Variants in SYDE2 observed in about 807,000 individuals in gnomAD.
SYDE2 encodes the protein rho GTPase-activating protein SYDE2.
Under a neutral mutation model 91.5 loss-of-function variants are expected in SYDE2, and 76 were observed. That is an observed-to-expected ratio of 0.83 (90% CI 0.69 to 1.01). The LOEUF (loss-of-function observed/expected upper bound fraction) is 1.01. SYDE2 is among the 50% of genes least tolerant of loss of function. SYDE2 has a pLI of 0.00. For synonymous variants in SYDE2, 513 were observed against 506.4 expected, an observed-to-expected ratio of 1.01 and a Z score of -0.18; for missense variants, 1,364 against 1,367.7, an observed-to-expected ratio of 1.00 and a Z score of 0.04.
downstream of SYDE2, chr1:85,152,739 T>C (rs1163884801): frequency 3.9e-5 from 6 of 152,202 alleles, no homozygotes; most frequent in Non-Finnish European, 8.8e-5. Flanking sequence ...GGAGTGGACA[T>C]AGACAATAAA....
At chr1:85,162,527 T>C (rs1461012064) in intron 6 of SYDE2, among the ~76,000 whole-genome samples, 1 of 152,092 alleles carries the variant, frequency 6.6e-6, no homozygotes, top group East Asian at 1.9e-4. Flanking sequence ...TAAAGAAAAA[T>C]AACAGGTTAT....
At position 85,158,842 on chromosome 1, in the gene SYDE2, T is replaced by C. The variant is rs1656958213; in HGVS notation, c.3493A>G (p.Asn1165Asp). The C allele has an allele frequency of 1.3e-6, 1 of 776,810 alleles. No homozygotes were observed. Among genetic ancestry groups the C allele is most frequent in the Non-Finnish European group, 2.4e-6 (1 of 416,876 alleles). The allele number at this position is 776,810 out of a possible 1,614,324, so 48.1% of individuals were successfully genotyped here. Residue 1165 changes from asparagine (N) to aspartate (D), a missense_variant, in exon 7 of 7, where the codon AAC (asparagine) becomes GAC (aspartate). By Grantham distance (23) the Asn-to-Asp change is conservative. Coordinates refer to ENST00000341460, the MANE Select transcript of SYDE2 (RefSeq NM_032184.2). The stretch of plus-strand genomic sequence containing the variant: ...CTTTCTTGTAGATCTTTGAGATTGT[T>C]TTTTCGATCCACTGTAGACTCAACT... ...QTVESTVDRK[N>D]NLKDLQESID...
At chr1:85,178,326 A>AT in intron 3 of SYDE2, 54 bp from the exon 4 acceptor site, 1 of 1,473,186 alleles carries the variant, frequency 6.8e-7, no homozygotes, top group Non-Finnish European at 9.2e-7. Flanking sequence ...GGAAAATATA[A>AT]TTGCATTATA....
chr1:85,154,682 T>C (rs959671526), downstream of SYDE2, among the ~76,000 whole-genome samples: 1 of 151,778 alleles, frequency 6.6e-6, no homozygotes, highest in African/African-American at 2.4e-5. Flanking sequence ...GCAGATTCTT[T>C]TAGCTCCTGC....
At chr1:85,166,759 T>C (rs1657292385) in intron 5 of SYDE2, among the ~76,000 whole-genome samples, 1 of 152,196 alleles carries the variant, frequency 6.6e-6, no homozygotes, top group African/African-American at 2.4e-5. Context: ...CTTAAGGGTA[T>C]TTCCAGCAAT....
intron 3 of SYDE2, among the ~76,000 whole-genome samples, chr1:85,179,672 G>A (rs1341323506): frequency 6.6e-6 from 1 of 152,134 alleles, no homozygotes; most frequent in Non-Finnish European, 1.5e-5. Flanking sequence ...GAAAGACACA[G>A]TAGAAATGTA....
intron 6 of SYDE2, among the ~76,000 whole-genome samples, chr1:85,161,421 T>C (rs1448589240): frequency 2.6e-5 from 4 of 152,136 alleles, no homozygotes; most frequent in African/African-American, 9.7e-5. Flanking sequence ...CCCAAATATA[T>C]TTATCATAGA....
At chr1:85,174,185 T>C (rs1452316394) in intron 4 of SYDE2, among the ~76,000 whole-genome samples, 2 of 151,862 alleles carry the variant, frequency 1.3e-5, no homozygotes, top group South Asian at 2.1e-4. Context: ...GAAGAAAAAA[T>C]AGAGAAAAAC....
At chr1:85,164,275 T>C (rs817418) in intron 6 of SYDE2, among the ~76,000 whole-genome samples, 34,405 of 152,116 alleles carry the variant, frequency 0.23, 4,820 homozygotes, top group African/African-American at 0.39. Context: ...TAATAAGTGG[T>C]ACAACCAGGA....
At chr1:85,160,037 T>C (rs1657004254) in intron 6 of SYDE2, 2 of 984,556 alleles carry the variant, frequency 2.0e-6, no homozygotes, top group African/African-American at 1.7e-5. Context: ...AGGTTTACTC[T>C]TGTGTGTTGA....
intron 5 of SYDE2, among the ~76,000 whole-genome samples, chr1:85,167,249 A>AAATT (rs1361927341): frequency 6.6e-6 from 1 of 151,982 alleles, no homozygotes; most frequent in Non-Finnish European, 1.5e-5. Context: ...AAAAAGAAGA[A>AAATT]AATTAGTATG....
chr1:85,185,578 A>C (rs1658104754), intron 2 of SYDE2, among the ~76,000 whole-genome samples: 1 of 152,116 alleles, frequency 6.6e-6, no homozygotes, highest in Admixed American at 6.5e-5. Flanking sequence ...TGTGAATGGG[A>C]GTTCACTCAT....
chr1:85,194,849 T>A (rs1315778797), intron 1 of SYDE2: 1 of 985,254 alleles, frequency 1.0e-6, no homozygotes, highest in East Asian at 1.1e-4. Flanking sequence ...AAATTATATA[T>A]TTCAACCCTC....
chr1:85,186,021 G>T (rs1348036833), intron 2 of SYDE2, among the ~76,000 whole-genome samples: 2 of 151,798 alleles, frequency 1.3e-5, no homozygotes, highest in African/African-American at 4.8e-5. Flanking sequence ...GTTGAATTTT[G>T]TCAAAGGCCT....
At chr1:85,183,266 A>G in intron 2 of SYDE2, 66 bp from the exon 3 acceptor site, 1 of 1,413,202 alleles carries the variant, frequency 7.1e-7, no homozygotes, top group South Asian at 1.6e-5. Flanking sequence ...TTCTTATTTT[A>G]TAAACCATCA....
intron 6 of SYDE2, among the ~76,000 whole-genome samples, chr1:85,163,060 G>A (rs975146955): frequency 2.0e-5 from 3 of 151,640 alleles, no homozygotes; most frequent in African/African-American, 7.3e-5. Flanking sequence ...TTTTAAGCCG[G>A]CATTTAAAAG....
downstream of SYDE2, among the ~76,000 whole-genome samples, chr1:85,154,554 TAAC>T (rs1056389216): frequency 3.3e-4 from 50 of 149,956 alleles, no homozygotes; most frequent in Admixed American, 1.8e-3. Flanking sequence ...ACTACTATAT[TAAC>T]AACACCAACG....
chr1:85,184,880 T>TAAA (rs77543627), intron 2 of SYDE2, among the ~76,000 whole-genome samples: 1 of 135,564 alleles, frequency 7.4e-6, no homozygotes, highest in Non-Finnish European at 1.6e-5. Flanking sequence ...TACCCCGTCT[T>TAAA]AAAAAAAAAA....
intron 5 of SYDE2, among the ~76,000 whole-genome samples, chr1:85,165,942 C>T (rs967532130): frequency 7.0e-6 from 1 of 142,878 alleles, no homozygotes; most frequent in Non-Finnish European, 1.5e-5. Flanking sequence ...AGCATGATCA[C>T]AGCTCACTGC....
Sources: gnomAD v4.1 joint callset for allele counts (sites outside exome capture counted in the v4.1 genomes callset) on GRCh38, gnomAD v4.1.1 for gene constraint, MANE v1.5 for transcripts, NCBI Gene and HGNC (gene_info 2026-07-23, HGNC 2026-07-21) for gene names.